Variants in PDE4D observed in about 807,000 individuals in gnomAD.
PDE4D encodes the protein phosphodiesterase 4D, also known as 3',5'-cyclic-AMP phosphodiesterase 4D.
A neutral mutation model predicts 87.4 loss-of-function variants in PDE4D; 24 were observed. That is an observed-to-expected ratio of 0.27 (90% CI 0.20 to 0.39). PDE4D has a LOEUF of 0.39. Ranked by LOEUF, PDE4D falls within the 10% of genes least tolerant of loss-of-function variation. PDE4D has a pLI of 1.00. For missense variants in PDE4D, 714 were observed against 1,041.0 expected, an observed-to-expected ratio of 0.69 and a Z score of 4.32; for synonymous variants, 384 against 383.2, an observed-to-expected ratio of 1.00 and a Z score of -0.02.
At chr5:60,306,284 C>A (rs989601557) in intron 1 of PDE4D, among the ~76,000 whole-genome samples, 27 of 151,768 alleles carry the variant, frequency 1.8e-4, no homozygotes, top group Non-Finnish European at 3.7e-4. Flanking sequence ...TTAAGAACAA[C>A]TGAAAAATCT....
rs145585588 is a variant in PDE4D, at chr5:59,625,209, G to A, written c.455+267959C>T. 1.3e-3 allele frequency among the ~76,000 whole-genome samples: 198 copies of A among 152,276 alleles called. 1 individual carries two copies. Among genetic ancestry groups the A allele is most frequent in the African/African-American group, 3.4e-3 (143 of 41,550 alleles). Reference sequence around the variant, plus strand: ...GAAGTCAGAGAGATGAAGTGTGAGAGGGGAGGTCTTCCACGGCTGAGATGA... The same window carrying A: ...GAAGTCAGAGAGATGAAGTGTGAGAAGGGAGGTCTTCCACGGCTGAGATGA... On this transcript the variant is annotated intron_variant, in intron 1 of 14. Coordinates refer to ENST00000340635, the MANE Select transcript of PDE4D (RefSeq NM_001104631.2).
At chr5:60,168,086 A>G (rs967539945) in intron 2 of PDE4D, among the ~76,000 whole-genome samples, 2 of 152,164 alleles carry the variant, frequency 1.3e-5, no homozygotes, top group African/African-American at 4.8e-5. Context: ...TGGGATTGCT[A>G]CCTGTGCAAT....
chr5:59,801,537 G>A (rs1767126143), intron 1 of PDE4D, among the ~76,000 whole-genome samples: 1 of 152,082 alleles, frequency 6.6e-6, no homozygotes, highest in Non-Finnish European at 1.5e-5. Context: ...GTTTCTAATT[G>A]ATTAAATGTA....
chr5:59,119,802 G>T (rs554357103), intron 5 of PDE4D, among the ~76,000 whole-genome samples: 1 of 152,100 alleles, frequency 6.6e-6, no homozygotes, highest in Non-Finnish European at 1.5e-5. Context: ...TGGATATGAA[G>T]TGCTAGAGAC....
At chr5:60,380,256 C>T (rs1474386171) in intron 1 of PDE4D, among the ~76,000 whole-genome samples, 1 of 152,172 alleles carries the variant, frequency 6.6e-6, no homozygotes, top group Non-Finnish European at 1.5e-5. Context: ...CCTAGCTGGC[C>T]TCTCTGCTTC....
At chr5:60,049,504 CT>C (rs1354888788) in intron 2 of PDE4D, among the ~76,000 whole-genome samples, 1 of 152,194 alleles carries the variant, frequency 6.6e-6, no homozygotes, top group Admixed American at 6.5e-5. Flanking sequence ...GTTTTATCTA[CT>C]ATTGGTCTTT....
intron 6 of PDE4D, 105 bp from the exon 7 acceptor site, chr5:58,993,570 T>A (rs1370458987): frequency 1.5e-6 from 1 of 685,282 alleles, no homozygotes; most frequent in Admixed American, 3.4e-5. Context: ...AATTTTTAAG[T>A]TGTCCTGACA....
intron 1 of PDE4D, among the ~76,000 whole-genome samples, chr5:59,401,017 C>G (rs1343650128): frequency 6.6e-6 from 1 of 152,192 alleles, no homozygotes; most frequent in African/African-American, 2.4e-5. Flanking sequence ...TTTTTGGTCA[C>G]TGACATGAGA....
intron 2 of PDE4D, among the ~76,000 whole-genome samples, chr5:60,057,466 T>C (rs1385834717): frequency 6.6e-6 from 1 of 151,976 alleles, no homozygotes; most frequent in Non-Finnish European, 1.5e-5. Context: ...ACACCTCCTC[T>C]CCAAAGTTTT....
intron 1 of PDE4D, among the ~76,000 whole-genome samples, chr5:59,641,660 T>C (rs568907734): frequency 6.6e-6 from 1 of 152,330 alleles, no homozygotes; most frequent in African/African-American, 2.4e-5. Context: ...AGGCAGAGAA[T>C]GCTCATCCCT....
rs1197672611 is a variant in PDE4D at position 59,164,652 on chromosome 5, T to C, written c.808+15943A>G. ...CTCCCCTGGGAAAAAGCACATATCT[T>C]TTTTTTAAAAAAATGATTTAATAAA... On this transcript the variant is annotated intron_variant, in intron 5 of 14. Transcript: ENST00000340635. Among the ~76,000 whole-genome samples, 2 of 152,078 alleles carry C rather than the reference T, an allele frequency of 1.3e-5. 1 individual carries two copies. The highest frequency in any genetic ancestry group is 1.3e-4 in the Admixed American group (2 of 15,258).
intron 5 of PDE4D, among the ~76,000 whole-genome samples, chr5:59,169,375 C>T (rs1782413486): frequency 6.6e-6 from 1 of 151,362 alleles, no homozygotes; most frequent in African/African-American, 2.4e-5. Flanking sequence ...TCCAAGAAGA[C>T]AAAAAGAATG....
chr5:59,520,613 G>A (rs192409887), intron 1 of PDE4D, among the ~76,000 whole-genome samples: 3 of 152,000 alleles, frequency 2.0e-5, no homozygotes, highest in Admixed American at 1.3e-4. Flanking sequence ...AAGTATAAGA[G>A]GAGAACGATT....
chr5:59,003,394 C>T (rs1750932645), intron 6 of PDE4D, among the ~76,000 whole-genome samples: 1 of 152,228 alleles, frequency 6.6e-6, no homozygotes, highest in South Asian at 2.1e-4. Flanking sequence ...TTACCAAATT[C>T]TCGGCCTAAA....
At chr5:60,135,496 T>A (rs951086095) in intron 2 of PDE4D, among the ~76,000 whole-genome samples, 3 of 152,044 alleles carry the variant, frequency 2.0e-5, no homozygotes, top group African/African-American at 7.3e-5. Flanking sequence ...TAGTCTATCG[T>A]TCAAAAATGG....
rs528207347 is a variant in PDE4D, at chr5:58,973,096, A to G, written c.*1568T>C. The G allele has an allele frequency of 6.6e-6, 1 of 152,334 alleles. No homozygotes were observed. Among genetic ancestry groups the G allele is most frequent in the South Asian group, 2.1e-4 (1 of 4,824 alleles). 9.4% of individuals were successfully genotyped at this position (152,334 alleles called of 1,614,324 possible). On this transcript the variant is annotated 3_prime_UTR_variant, in exon 15 of 15. Transcript: ENST00000340635. The stretch of plus-strand genomic sequence containing the variant: ...ACCGTTTCTCAGGGATGTTCCTGAT[A>G]TAGTTCTTAATCCCATGGTGAAATC...
At chr5:60,106,122 G>T (rs1337050571) in intron 2 of PDE4D, among the ~76,000 whole-genome samples, 4 of 151,896 alleles carry the variant, frequency 2.6e-5, no homozygotes, top group African/African-American at 9.7e-5. Context: ...CATCTCACGT[G>T]CAGAGACACA....
intron 6 of PDE4D, among the ~76,000 whole-genome samples, chr5:58,997,962 T>C (rs1023892602): frequency 6.6e-6 from 1 of 152,084 alleles, no homozygotes; most frequent in African/African-American, 2.4e-5. Flanking sequence ...CCAATATATA[T>C]TTAAGGAGGT....
At chr5:59,671,633 C>T (rs1328208194) in intron 1 of PDE4D, among the ~76,000 whole-genome samples, 1 of 151,818 alleles carries the variant, frequency 6.6e-6, no homozygotes, top group Non-Finnish European at 1.5e-5. Flanking sequence ...CATGTCCAAA[C>T]CCCTTCTCTA....
Sources: gnomAD v4.1 joint callset for allele counts (sites outside exome capture counted in the v4.1 genomes callset) on GRCh38, gnomAD v4.1.1 for gene constraint, MANE v1.5 for transcripts, NCBI Gene and HGNC (gene_info 2026-07-23, HGNC 2026-07-21) for gene names.